The following STK24 variants were observed in gnomAD, a reference collection of about 807,000 sequenced individuals.
The protein encoded by STK24 is serine/threonine-protein kinase 24.
Under a neutral mutation model 55.6 loss-of-function variants are expected in STK24, and 21 were observed. The ratio of observed to expected loss-of-function variants is 0.38; its 90% CI spans 0.27 to 0.54. STK24 has a LOEUF of 0.54. Among genes scored for constraint, STK24 ranks in the 20% least tolerant of loss-of-function variants. The probability of loss-of-function intolerance (pLI) is 0.79; values close to 1 mark genes in which losing one functional copy is unlikely to be tolerated. For missense variants in STK24, 383 were observed against 538.4 expected, an observed-to-expected ratio of 0.71 and a Z score of 2.86; for synonymous variants, 200 against 215.2, an observed-to-expected ratio of 0.93 and a Z score of 0.62.
chr13:98,576,753 C>T lies in STK24; in HGVS notation c.34G>A (p.Gly12Ser), dbSNP rs933645061. ...AHSPVQSGLP[G>S]MQNLKADPEE... is the part of the protein sequence containing the mutation. ...GGCCCGCGCCCGCCTACCTGCATGC[C>T]GGGCAGGCCCGACTGCACCGGGGAG... Residue 12 changes from glycine (G) to serine (S), a missense_variant, in exon 1 of 11, where the codon GGC becomes AGC. Transcript: ENST00000539966. The T allele has an allele frequency of 6.9e-7, 1 of 1,457,528 alleles. No individual in the cohort carries two copies. Among genetic ancestry groups the T allele is most frequent in the African/African-American group, 1.5e-5 (1 of 67,666 alleles). 90.3% of individuals were successfully genotyped at this position (1,457,528 alleles called of 1,614,324 possible). A position where few individuals can be genotyped will look rare whatever the true frequency, so the allele number is the denominator to read the frequency against.
At position 98,457,075 on chromosome 13, in the gene STK24, C is replaced by A. The variant is rs1271426385; in HGVS notation, c.1259+93G>T. ...AGGCCTGCAAGATAACAGGAACAGA[C>A]AGGCCAAGAATCAAGTACCAAACTC... is the stretch of plus-strand genomic sequence containing the variant. On this transcript the variant is annotated intron_variant, in intron 10 of 10. Coordinates refer to ENST00000539966, the MANE Select transcript of STK24 (RefSeq NM_001032296.4). 47 of 1,465,870 alleles carry A rather than the reference C, an allele frequency of 3.2e-5. No individual in the cohort carries two copies. The East Asian group carries it at 1.1e-3, about 34-fold the overall frequency. The allele number at this position is 1,465,870 out of a possible 1,614,324, so 90.8% of individuals were successfully genotyped here.
At chr13:98,460,142 C>T (rs1226006785) in intron 9 of STK24, among the ~76,000 whole-genome samples, 1 of 152,228 alleles carries the variant, frequency 6.6e-6, no homozygotes, top group Non-Finnish European at 1.5e-5. Flanking sequence ...GGCTGGGTCA[C>T]TGTCATCCAG....
rs77680814 is a variant in STK24 at position 98,546,901 on chromosome 13, G to C, written c.43-27428C>G. ...CCCCTTCCTTCCATATCTAATTGTT[G>C]TTTTTTTTTGTTTGTTTGTTTGTTT... On this transcript the variant is annotated intron_variant, in intron 1 of 10. Coordinates refer to ENST00000539966, the MANE Select transcript of STK24 (RefSeq NM_001032296.4). Among the ~76,000 whole-genome samples, 641 of 94,166 alleles carry C rather than the reference G, an allele frequency of 6.8e-3. 4 individuals carry two copies. Among genetic ancestry groups the C allele is most frequent in the African/African-American group, 0.02 (535 of 26,120 alleles). 61.8% of individuals were successfully genotyped at this position (94,166 alleles called of 152,430 possible).
chr13:98,499,600 GAGA>G (rs967479090), intron 2 of STK24, among the ~76,000 whole-genome samples: 4 of 151,580 alleles, frequency 2.6e-5, no homozygotes, highest in African/African-American at 7.3e-5. Flanking sequence ...GTGTGGATCT[GAGA>G]AGGAGAGGGG....
At chr13:98,518,322 A>G (rs1360438429) in intron 2 of STK24, among the ~76,000 whole-genome samples, 1 of 152,242 alleles carries the variant, frequency 6.6e-6, no homozygotes, top group Non-Finnish European at 1.5e-5. Context: ...GCAGCTTACA[A>G]GTTGTAACTT....
intron 1 of STK24, among the ~76,000 whole-genome samples, chr13:98,543,616 A>T (rs1896952980): frequency 6.6e-6 from 1 of 152,152 alleles, no homozygotes; most frequent in African/African-American, 2.4e-5. Context: ...GAATACAGAG[A>T]GAGGGGAGGC....
intron 2 of STK24, among the ~76,000 whole-genome samples, chr13:98,511,251 C>T (rs1895868810): frequency 6.6e-6 from 1 of 152,182 alleles, no homozygotes; most frequent in South Asian, 2.1e-4. Context: ...CGTCTTAGGA[C>T]AAGATACTCA....
At chr13:98,475,155 C>A (rs758838552) in intron 4 of STK24, 95 bp downstream of exon 4, 1 of 1,399,706 alleles carries the variant, frequency 7.1e-7, no homozygotes, top group Non-Finnish European at 9.8e-7. Context: ...ACGTGCAGGA[C>A]AAATGGGCGC....
chr13:98,479,332 T>C (rs1408679427), intron 3 of STK24, among the ~76,000 whole-genome samples: 1 of 152,246 alleles, frequency 6.6e-6, no homozygotes, highest in African/African-American at 2.4e-5. Context: ...CACTCAAATA[T>C]GTGCATTCAA....
chr13:98,469,540 C>G (rs1473218744), intron 5 of STK24, among the ~76,000 whole-genome samples: 4 of 135,560 alleles, frequency 3.0e-5, no homozygotes, highest in Non-Finnish European at 6.7e-5. Context: ...TGCATCCCCC[C>G]CCCCAAAAAA....
chr13:98,571,676 A>C (rs1594679516), intron 1 of STK24, among the ~76,000 whole-genome samples: 1 of 152,330 alleles, frequency 6.6e-6, no homozygotes, highest in Middle Eastern at 3.4e-3. Context: ...CTAACTAACA[A>C]AACAGTAACT....
Position 98,577,057 on chromosome 13 carries a change from G to GCTGGAGCCGGGCGGC in STK24, c.-286_-272dup, listed in dbSNP as rs1299988057. ...CCGCCGCTGCTGCCGCTACTGCTGGGCTGGAGCCGGGCGGCCTGGGCCCGC... is the reference window on the plus strand; with the variant it reads ...CCGCCGCTGCTGCCGCTACTGCTGGGCTGGAGCCGGGCGGCCTGGAGCCGGGCGGCCTGGGCCCGC... On this transcript the variant is annotated 5_prime_UTR_variant, in exon 1 of 11. Coordinates refer to ENST00000539966, the MANE Select transcript of STK24 (RefSeq NM_001032296.4). This position sits in a 1 kb window ranked among gnomAD's most constrained non-coding sequence, Gnocchi z 4.1. 6.8e-6 allele frequency: 1 copy of GCTGGAGCCGGGCGGC among 147,060 alleles called. No homozygotes were observed. Among genetic ancestry groups the GCTGGAGCCGGGCGGC allele is most frequent in the African/African-American group, 2.5e-5 (1 of 40,772 alleles). 9.1% of individuals were successfully genotyped at this position (147,060 alleles called of 1,614,324 possible).
At position 98,446,515 on chromosome 13, in the gene STK24, G is replaced by GCAAA; in HGVS notation, c.*6654_*6657dup. 1 of 766,578 alleles carries GCAAA rather than the reference G, an allele frequency of 1.3e-6. No homozygotes were observed. The highest frequency in any genetic ancestry group is 2.1e-6 in the Non-Finnish European group (1 of 467,192). 47.5% of individuals were successfully genotyped at this position (766,578 alleles called of 1,614,324 possible). ...TTGCCACCCGGGCCATCACGTACAG[G>GCAAA]CAAACACTGGCTGCCATGGTCCCTT... On this transcript the variant is annotated 3_prime_UTR_variant, in exon 11 of 11. Coordinates refer to ENST00000539966, the MANE Select transcript of STK24 (RefSeq NM_001032296.4).
chr13:98,551,449 C>T lies in STK24; in HGVS notation c.42+25296G>A, dbSNP rs1207101203. ...ACTTGGAACCCCCGTCATACTTTCT[C>T]TTTTTTTTTTTTTCTTAGCACCTTT... On this transcript the variant is annotated intron_variant, in intron 1 of 10. Transcript: ENST00000539966. Among the ~76,000 whole-genome samples, 4 of 146,132 alleles carry T rather than the reference C, an allele frequency of 2.7e-5. No individual in the cohort carries two copies. The South Asian group carries it at 8.7e-4, about 32-fold the overall frequency.
chr13:98,546,322 C>CA (rs5806068), intron 1 of STK24, among the ~76,000 whole-genome samples: 24,952 of 152,142 alleles, frequency 0.16, 2,605 homozygotes, highest in Non-Finnish European at 0.23. Flanking sequence ...TGGCCTGGTC[C>CA]ATCTGAGAAA....
chr13:98,485,332 A>C (rs1474881378), intron 2 of STK24, among the ~76,000 whole-genome samples: 2 of 152,216 alleles, frequency 1.3e-5, no homozygotes, highest in African/African-American at 4.8e-5. Context: ...CTGATTGGTA[A>C]GAGATGAAAT....
At chr13:98,462,691 G>T (rs1443339727) in intron 7 of STK24, among the ~76,000 whole-genome samples, 1 of 152,038 alleles carries the variant, frequency 6.6e-6, no homozygotes, top group African/African-American at 2.4e-5. Flanking sequence ...CGCTTCACCT[G>T]CCCAGCTTTC....
intron 9 of STK24, 47 bp from the exon 10 acceptor site, chr13:98,457,351 A>G (rs1893508640): frequency 6.2e-7 from 1 of 1,612,664 alleles, no homozygotes; most frequent in African/African-American, 1.3e-5. Context: ...CACCAGCTGC[A>G]AAACTGGGAA....
chr13:98,564,897 A>G (rs1897525267), intron 1 of STK24, among the ~76,000 whole-genome samples: 1 of 152,194 alleles, frequency 6.6e-6, no homozygotes, highest in Non-Finnish European at 1.5e-5. Flanking sequence ...TAAGGTTCCA[A>G]GGTCAAAAAG....
Sources: allele counts gnomAD v4.1 joint callset (sites outside exome capture counted in the v4.1 genomes callset), GRCh38; gene constraint gnomAD v4.1.1; non-coding constraint Gnocchi (gnomAD v3.1); transcripts MANE v1.5; gene names NCBI Gene and HGNC (gene_info 2026-07-23, HGNC 2026-07-21).